Variants in CNTN5 observed in about 807,000 individuals in gnomAD.
CNTN5 encodes the protein contactin-5.
A neutral mutation model predicts 129.1 loss-of-function variants in CNTN5; 77 were observed. That is an observed-to-expected ratio of 0.60 (90% confidence interval 0.50 to 0.72). The LOEUF (loss-of-function observed/expected upper bound fraction) is 0.72. Among genes scored for constraint, CNTN5 ranks in the 30% least tolerant of loss-of-function variants. The pLI is 0.00. For synonymous variants in CNTN5, 509 were observed against 465.6 expected, an observed-to-expected ratio of 1.09 and a Z score of -1.20; for missense variants, 1,478 against 1,328.8, an observed-to-expected ratio of 1.11 and a Z score of -1.75.
chr11:99,310,258 G>T (rs1344960080), intron 1 of CNTN5, among the ~76,000 whole-genome samples: 1 of 152,044 alleles, frequency 6.6e-6, no homozygotes, highest in East Asian at 1.9e-4. Flanking sequence ...TAATTTTAAA[G>T]AAATTTGGAA....
chr11:99,673,730 G>T (rs1953148819), intron 3 of CNTN5, among the ~76,000 whole-genome samples: 1 of 149,176 alleles, frequency 6.7e-6, no homozygotes, highest in African/African-American at 2.5e-5. Context: ...GTTTGCTAAG[G>T]ATAAAGGCTT....
At chr11:100,187,885 T>C (rs1378754049) in intron 13 of CNTN5, among the ~76,000 whole-genome samples, 1 of 152,148 alleles carries the variant, frequency 6.6e-6, no homozygotes, top group African/African-American at 2.4e-5. Flanking sequence ...CTTGGGACAT[T>C]TGTGACTAAG....
intron 4 of CNTN5, among the ~76,000 whole-genome samples, chr11:99,842,298 T>C (rs556368703): frequency 2.0e-5 from 3 of 152,202 alleles, no homozygotes; most frequent in Admixed American, 6.5e-5. Context: ...TTTCGTGATA[T>C]TATGCATGAG....
chr11:99,178,197 T>G (rs1857871345), intron 1 of CNTN5, among the ~76,000 whole-genome samples: 1 of 151,846 alleles, frequency 6.6e-6, no homozygotes, highest in South Asian at 2.1e-4. Flanking sequence ...CTAGCAACTC[T>G]AGGCTGGGCA....
At chr11:99,355,812 TTTTTTTTTGTTTTTTTTTTTTTTG>T (rs1219643273) in intron 2 of CNTN5, among the ~76,000 whole-genome samples, 14 of 130,330 alleles carry the variant, frequency 1.1e-4, no homozygotes, top group African/African-American at 1.9e-4. Context: ...TCTGTCATGG[TTTTTTTTTGTTTTTTTTTTTTTTG>T]TTTTTTTTGA....
intron 1 of CNTN5, among the ~76,000 whole-genome samples, chr11:99,248,084 T>C: frequency 6.6e-6 from 1 of 152,208 alleles, no homozygotes; most frequent in East Asian, 1.9e-4. Context: ...ACCAACAGTG[T>C]AAAAGTGTTC....
At chr11:100,310,832 G>A (rs72987643) in intron 21 of CNTN5, among the ~76,000 whole-genome samples, 17 of 151,974 alleles carry the variant, frequency 1.1e-4, no homozygotes, top group African/African-American at 3.1e-4. Context: ...AAGTACTAGC[G>A]TGCTGGACTT....
chr11:99,621,561 G>A (rs916635128), intron 3 of CNTN5, among the ~76,000 whole-genome samples: 2 of 151,936 alleles, frequency 1.3e-5, no homozygotes, highest in East Asian at 1.9e-4. Context: ...ATTTGCTTGC[G>A]ATATTTGGGA....
In CNTN5 at chr11:99,874,692, T is replaced by C. The variant is rs542226680; in HGVS notation, c.577+29430T>C. Among the ~76,000 whole-genome samples, 24 of 152,328 alleles carry C rather than the reference T, an allele frequency of 1.6e-4. No individual in the cohort carries two copies. In the South Asian group the frequency reaches 3.9e-3, roughly 25 times the overall value. On this transcript the variant is annotated intron_variant, in intron 6 of 24. Coordinates refer to ENST00000524871, the MANE Select transcript of CNTN5 (RefSeq NM_014361.4). ...TGGTAGATGCCATAAAGAAAAGATA[T>C]ATGCTTGATTCATCCCCTTTGTCAG...
rs74542805 is a variant in CNTN5 at position 99,973,622 on chromosome 11, C to T, written c.877+16613C>T. Among the ~76,000 whole-genome samples the T allele has an allele frequency of 7.8e-3, 1,191 of 152,010 alleles. 11 individuals are homozygous for T. The highest frequency in any genetic ancestry group is 0.027 in the African/African-American group (1,130 of 41,480). Reference sequence around the variant, plus strand: ...AAATGATTTCCTTCCATTTTTTTCTCTCTGCACTAATTCTCACGTTTTGTC... The same window carrying T: ...AAATGATTTCCTTCCATTTTTTTCTTTCTGCACTAATTCTCACGTTTTGTC... On this transcript the variant is annotated intron_variant, in intron 8 of 24. Transcript: ENST00000524871.
At chr11:100,116,982 C>G (rs1945860016) in intron 13 of CNTN5, among the ~76,000 whole-genome samples, 1 of 151,974 alleles carries the variant, frequency 6.6e-6, no homozygotes, top group African/African-American at 2.4e-5. Context: ...CTCAGCTTCT[C>G]TGATTTCTTT....
chr11:99,196,235 T>C (rs553005158), intron 1 of CNTN5, among the ~76,000 whole-genome samples: 5 of 152,022 alleles, frequency 3.3e-5, no homozygotes, highest in Middle Eastern at 3.4e-3. Flanking sequence ...AATAAAGAAA[T>C]ATATATGAAC....
intron 3 of CNTN5, among the ~76,000 whole-genome samples, chr11:99,579,652 A>G (rs1949500209): frequency 7.2e-6 from 1 of 137,966 alleles, no homozygotes; most frequent in Non-Finnish European, 1.5e-5. Context: ...GGTGTATAAG[A>G]ATGCTTGTGA....
chr11:99,352,993 C>T (rs746939458), intron 2 of CNTN5, among the ~76,000 whole-genome samples: 1 of 152,160 alleles, frequency 6.6e-6, no homozygotes, highest in African/African-American at 2.4e-5. Flanking sequence ...CTTTGAGAGC[C>T]GGGCGGTGAA....
intron 6 of CNTN5, among the ~76,000 whole-genome samples, chr11:99,873,594 A>G (rs1948558562): frequency 6.6e-6 from 1 of 152,134 alleles, no homozygotes; most frequent in Non-Finnish European, 1.5e-5. Flanking sequence ...GAAAAAACGG[A>G]ACACTCATAC....
At chr11:99,795,758 C>A (rs1431755438) in intron 3 of CNTN5, among the ~76,000 whole-genome samples, 2 of 152,070 alleles carry the variant, frequency 1.3e-5, no homozygotes, top group African/African-American at 4.8e-5. Flanking sequence ...TATGGGGTCT[C>A]AGACTCGGCT....
chr11:100,081,402 G>A (rs1452906034), intron 13 of CNTN5, among the ~76,000 whole-genome samples: 1 of 152,028 alleles, frequency 6.6e-6, no homozygotes, highest in African/African-American at 2.4e-5. Context: ...ACCAGCAGAG[G>A]AAAAATTTTA....
At chr11:99,781,236 C>T (rs116764088) in intron 3 of CNTN5, among the ~76,000 whole-genome samples, 148 of 152,102 alleles carry the variant, frequency 9.7e-4, no homozygotes, top group African/African-American at 3.5e-3. Context: ...TTGTTGCAGT[C>T]CCCACACAAG....
intron 21 of CNTN5, among the ~76,000 whole-genome samples, chr11:100,332,712 T>G (rs1353570607): frequency 6.6e-6 from 1 of 152,096 alleles, no homozygotes; most frequent in Non-Finnish European, 1.5e-5. Context: ...ATCATCTCAA[T>G]AGACACAGAA....
Sources: allele counts gnomAD v4.1 joint callset (sites outside exome capture counted in the v4.1 genomes callset), GRCh38; gene constraint gnomAD v4.1.1; transcripts MANE v1.5; gene names NCBI Gene and HGNC (gene_info 2026-07-23, HGNC 2026-07-21).